Variants in TBC1D1 observed in about 807,000 individuals in gnomAD.
The protein encoded by TBC1D1 is TBC1 domain family member 1.
TBC1D1 carries 89 observed loss-of-function variants against 125.6 expected under a neutral mutation model. The ratio of observed to expected loss-of-function variants is 0.71; its 90% confidence interval spans 0.60 to 0.85. The LOEUF is 0.85. Ranked by LOEUF, TBC1D1 falls within the 40% of genes least tolerant of loss-of-function variation. The probability of loss-of-function intolerance (pLI) is 0.00; values close to 1 mark genes in which losing one functional copy is unlikely to be tolerated. For missense variants in TBC1D1, 1,377 were observed against 1,469.2 expected, an observed-to-expected ratio of 0.94 and a Z score of 1.03; for synonymous variants, 565 against 564.1, an observed-to-expected ratio of 1.00 and a Z score of -0.02.
At chr4:38,025,404 T>C (rs34306143) in intron 6 of TBC1D1, among the ~76,000 whole-genome samples, 22,114 of 152,210 alleles carry the variant, frequency 0.15, 1,758 homozygotes, top group East Asian at 0.21. Context: ...GGGCTAGCTG[T>C]GTGAGAATCC....
intron 7 of TBC1D1, among the ~76,000 whole-genome samples, chr4:38,028,322 C>T (rs886295272): frequency 6.6e-6 from 1 of 152,172 alleles, no homozygotes; most frequent in African/African-American, 2.4e-5. Flanking sequence ...CACGCCACCA[C>T]GCCTGGCTAA....
rs543063815 is a variant in TBC1D1 at position 38,014,365 on chromosome 4, G to T, written c.418-144G>T. ...GGGAAGACATTCCTAGTCCCCTCCC[G>T]TGGGCTCCTCCTCCAGTGGGCTCCT... On this transcript the variant is annotated intron_variant, in intron 2 of 19. Transcript: ENST00000261439. This position sits in a 1 kb window ranked among gnomAD's most constrained non-coding sequence, Gnocchi z 5.1. The T allele has an allele frequency of 8.6e-6, 6 of 696,660 alleles. No homozygotes were observed. In the Admixed American group the frequency reaches 1.1e-4, roughly 12 times the overall value. The allele number at this position is 696,660 out of a possible 1,614,324, so 43.2% of individuals were successfully genotyped here. A position where few individuals can be genotyped will look rare whatever the true frequency, so the allele number is the denominator to read the frequency against.
chr4:38,066,750 C>T lies in TBC1D1; in HGVS notation c.2050+12412C>T, dbSNP rs538228688. Among the ~76,000 whole-genome samples the T allele has an allele frequency of 9.5e-4, 144 of 152,308 alleles. 5 individuals carry two copies. In the South Asian group the frequency reaches 0.027, roughly 28 times the overall value. ...GTGATGGCACATTCAGGGAGCTCTC[C>T]GCTTTGTGAGATCCTGAGATAAAGC... On this transcript the variant is annotated intron_variant, in intron 12 of 19. Transcript: ENST00000261439.
At chr4:37,956,234 G>T (rs983592682) in intron 2 of TBC1D1, among the ~76,000 whole-genome samples, 7 of 151,956 alleles carry the variant, frequency 4.6e-5, no homozygotes, top group African/African-American at 1.5e-4. Context: ...GCCCAGGCTG[G>T]TCTCGAACTC....
At chr4:37,904,410 A>G (rs772932356) in intron 2 of TBC1D1, among the ~76,000 whole-genome samples, 9 of 152,212 alleles carry the variant, frequency 5.9e-5, no homozygotes, top group Non-Finnish European at 1.2e-4. Context: ...AGAGGACTGA[A>G]CAGCCTGTAC....
intron 2 of TBC1D1, among the ~76,000 whole-genome samples, chr4:37,969,602 C>A (rs1158337562): frequency 1.3e-5 from 2 of 152,176 alleles, no homozygotes; most frequent in African/African-American, 4.8e-5. Context: ...GCCTCAGCCT[C>A]CCAAAAAGTG....
intron 2 of TBC1D1, among the ~76,000 whole-genome samples, chr4:37,927,869 G>A (rs1353961622): frequency 2.0e-5 from 3 of 152,158 alleles, no homozygotes; most frequent in African/African-American, 7.2e-5. Context: ...CCTGTGAATA[G>A]CCACCGCACT....
intron 11 of TBC1D1, among the ~76,000 whole-genome samples, chr4:38,052,728 GCACA>G (rs56153191): frequency 0.072 from 8,493 of 118,070 alleles, 278 homozygotes; most frequent in South Asian, 0.1. Flanking sequence ...GCGCGCGCGC[GCACA>G]CACACACACA....
chr4:38,042,660 GACAGGAGGTA>G (rs780037494), intron 8 of TBC1D1, among the ~76,000 whole-genome samples: 1 of 152,172 alleles, frequency 6.6e-6, no homozygotes, highest in Non-Finnish European at 1.5e-5. Flanking sequence ...ACCTGAAAGG[GACAGGAGGTA>G]ACAGTCTGGC....
chr4:38,007,187 C>A (rs956676146), intron 2 of TBC1D1: 11 of 162,184 alleles, frequency 6.8e-5, no homozygotes, highest in Non-Finnish European at 1.1e-4. Context: ...TTAAGAAGGG[C>A]GGGGTTTGGT....
At chr4:38,007,215 T>A (rs1740473927) in intron 2 of TBC1D1, 1 of 153,770 alleles carries the variant, frequency 6.5e-6, no homozygotes, top group African/African-American at 2.4e-5. Context: ...TGGCATCCTA[T>A]CTGCTTTTAC....
intron 4 of TBC1D1, 144 bp from the exon 5 acceptor site, chr4:38,020,447 C>T: frequency 3.4e-6 from 2 of 594,360 alleles, no homozygotes; most frequent in Admixed American, 4.9e-5. Flanking sequence ...CATTGTACTC[C>T]AGCCTGGGCA....
At chr4:38,009,940 A>G (rs936234030) in intron 2 of TBC1D1, among the ~76,000 whole-genome samples, 30 of 152,202 alleles carry the variant, frequency 2.0e-4, no homozygotes, top group African/African-American at 7.2e-4. Context: ...GTTTTGATTT[A>G]CTTCGTCTGC....
intron 17 of TBC1D1, among the ~76,000 whole-genome samples, chr4:38,122,496 A>G (rs1764023172): frequency 6.6e-6 from 1 of 152,126 alleles, no homozygotes; most frequent in Non-Finnish European, 1.5e-5. Context: ...CCTTTTATTC[A>G]GAGTATTAAT....
At chr4:37,940,717 A>C (rs1725385945) in intron 2 of TBC1D1, among the ~76,000 whole-genome samples, 1 of 152,196 alleles carries the variant, frequency 6.6e-6, no homozygotes, top group Admixed American at 6.5e-5. Context: ...GAATTCATTG[A>C]GAGTTTTTAG....
At chr4:37,901,140 G>GGTTTGT (rs1715900848) in intron 1 of TBC1D1, among the ~76,000 whole-genome samples, 1 of 151,682 alleles carries the variant, frequency 6.6e-6, no homozygotes. Context: ...TTTGGGTTTG[G>GGTTTGT]TAGAAGCGTT....
rs59426552 is a variant in TBC1D1 at position 38,014,729 on chromosome 4, G to A, written c.638G>A (p.Arg213His). The change falls in exon 3 of 20, where the codon CGC becomes CAC. Residue 213 changes from arginine (R) to histidine (H), a missense_variant. Physicochemically the swap from Arg to His is conservative, Grantham distance 29 (BLOSUM62 0). Transcript: ENST00000261439. This position sits in a 1 kb window ranked among gnomAD's most constrained non-coding sequence, Gnocchi z 5.1. Reference sequence around the variant, plus strand: ...GGCAGCCGGGGGTCCGAGAGCCCCCGCCCCAACCCGCCCCATGCCGCGCCC... The same window carrying A: ...GGCAGCCGGGGGTCCGAGAGCCCCCACCCCAACCCGCCCCATGCCGCGCCC... 18 of 806,328 alleles carry A rather than the reference G, an allele frequency of 2.2e-5. No individual in the cohort carries two copies. Among genetic ancestry groups the A allele is most frequent in the South Asian group, 2.0e-4 (15 of 75,980 alleles). The allele number at this position is 806,328 out of a possible 1,614,324, so 49.9% of individuals were successfully genotyped here. A position where few individuals can be genotyped will look rare whatever the true frequency, so the allele number is the denominator to read the frequency against.
At chr4:38,038,107 G>A (rs533242787) in intron 8 of TBC1D1, among the ~76,000 whole-genome samples, 2 of 152,166 alleles carry the variant, frequency 1.3e-5, no homozygotes, top group South Asian at 2.1e-4. Flanking sequence ...TTTTATAGAT[G>A]AGGAAATGGG....
At chr4:38,113,101 G>C (rs542839529) in intron 15 of TBC1D1, among the ~76,000 whole-genome samples, 3 of 152,330 alleles carry the variant, frequency 2.0e-5, no homozygotes, top group African/African-American at 7.2e-5. Context: ...TTAGGGGGCT[G>C]CCTCCCCCTA....
Sources: allele counts gnomAD v4.1 joint callset (sites outside exome capture counted in the v4.1 genomes callset), GRCh38; gene constraint gnomAD v4.1.1; non-coding constraint Gnocchi (gnomAD v3.1); transcripts MANE v1.5; gene names NCBI Gene and HGNC (gene_info 2026-07-23, HGNC 2026-07-21).